DCC: variants seen among roughly 807,000 people sequenced by gnomAD.
The protein encoded by DCC is DCC netrin 1 receptor.
A neutral mutation model predicts 172.5 loss-of-function variants in DCC; 58 were observed. That is an observed-to-expected ratio of 0.34 (90% confidence interval 0.27 to 0.42). The LOEUF (loss-of-function observed/expected upper bound fraction) is 0.42, where lower values mean the gene tolerates loss of function less well. Among genes scored for constraint, DCC ranks in the 10% least tolerant of loss-of-function variants. The pLI, the probability that DCC is intolerant of heterozygous loss-of-function variation, is 1.00. For synonymous variants in DCC, 709 were observed against 644.5 expected (o/e 1.10, Z -1.52); for missense variants, 1,740 against 1,791.0 (o/e 0.97, Z 0.51).
intron 1 of DCC, among the ~76,000 whole-genome samples, chr18:52,376,144 T>A (rs1314434893): frequency 1.3e-5 from 2 of 152,230 alleles, no homozygotes; most frequent in Non-Finnish European, 2.9e-5. Flanking sequence ...CATAGGGTGC[T>A]GTTTATAAAA....
chr18:53,049,080 A>G (rs1034713632), intron 5 of DCC, among the ~76,000 whole-genome samples: 1 of 151,970 alleles, frequency 6.6e-6, no homozygotes, highest in African/African-American at 2.4e-5. Flanking sequence ...TCTGGATATT[A>G]TGCCTTTGTC....
intron 5 of DCC, among the ~76,000 whole-genome samples, chr18:52,933,202 C>G (rs1485383171): frequency 1.3e-5 from 2 of 152,058 alleles, no homozygotes; most frequent in African/African-American, 4.8e-5. Context: ...AGAAAACTAG[C>G]AACCAACTGT....
intron 15 of DCC, among the ~76,000 whole-genome samples, chr18:53,349,425 TC>T (rs1325705730): frequency 6.6e-6 from 1 of 152,196 alleles, no homozygotes; most frequent in Non-Finnish European, 1.5e-5. Context: ...TTCTGAGCCC[TC>T]CACACTGTTT....
chr18:52,442,362 T>A (rs1987995478), intron 1 of DCC, among the ~76,000 whole-genome samples: 1 of 152,214 alleles, frequency 6.6e-6, no homozygotes, highest in Non-Finnish European at 1.5e-5. Context: ...GTCAATTAAA[T>A]GAAGACCAAT....
intron 7 of DCC, among the ~76,000 whole-genome samples, chr18:53,112,574 G>A (rs903441285): frequency 2.0e-5 from 3 of 151,474 alleles, no homozygotes; most frequent in African/African-American, 7.3e-5. Context: ...TAATGTAATG[G>A]ATTTATGAGA....
At chr18:52,689,940 G>A (rs983406218) in intron 1 of DCC, among the ~76,000 whole-genome samples, 3 of 152,122 alleles carry the variant, frequency 2.0e-5, no homozygotes, top group Admixed American at 6.6e-5. Context: ...AAGTGAAGTC[G>A]AATCTATTTT....
At chr18:52,631,511 GA>G (rs1300211514) in intron 1 of DCC, among the ~76,000 whole-genome samples, 2 of 152,130 alleles carry the variant, frequency 1.3e-5, no homozygotes, top group Non-Finnish European at 2.9e-5. Flanking sequence ...CTAATTTAAA[GA>G]ATCTTAACTG....
chr18:53,003,871 T>G (rs1416696169), intron 5 of DCC, among the ~76,000 whole-genome samples: 1 of 152,178 alleles, frequency 6.6e-6, no homozygotes, highest in African/African-American at 2.4e-5. Flanking sequence ...CCATTCTGTG[T>G]CTGGCTTCAT....
intron 5 of DCC, among the ~76,000 whole-genome samples, chr18:53,018,464 T>A (rs2041837819): frequency 6.6e-6 from 1 of 152,172 alleles, no homozygotes; most frequent in South Asian, 2.1e-4. Flanking sequence ...ATTCTCTTTA[T>A]CAGAAATACT....
chr18:53,380,895 C>T (rs189972051), intron 15 of DCC, among the ~76,000 whole-genome samples: 47 of 152,200 alleles, frequency 3.1e-4, no homozygotes, highest in African/African-American at 1.1e-3. Context: ...TTGATCTTCT[C>T]TAAGATGTGC....
At chr18:52,868,429 C>T (rs2039263842) in intron 2 of DCC, among the ~76,000 whole-genome samples, 1 of 152,100 alleles carries the variant, frequency 6.6e-6, no homozygotes, top group South Asian at 2.1e-4. Context: ...CGTGTAGCAT[C>T]TCTGATAACC....
At chr18:52,829,881 C>A (rs1299965099) in intron 2 of DCC, among the ~76,000 whole-genome samples, 1 of 152,068 alleles carries the variant, frequency 6.6e-6, no homozygotes, top group African/African-American at 2.4e-5. Context: ...AAAGTTTAGG[C>A]AGCAAATGAG....
Position 52,409,548 on chromosome 18 carries a change from C to T in DCC, c.91+68670C>T, listed in dbSNP as rs1239302233. 2.0e-5 allele frequency among the ~76,000 whole-genome samples: 3 copies of T among 152,274 alleles called. No individual in the cohort carries two copies. In the East Asian group the frequency reaches 5.8e-4, roughly 29 times the overall value. ...AGCACACTGGATTTAGAGCCAGCGG[C>T]CTGGGTCCATGTCCCAACTTACATG... On this transcript the variant is annotated intron_variant, in intron 1 of 28. Transcript: ENST00000442544.
At position 52,975,154 on chromosome 18, in the gene DCC, C is replaced by T. The variant is rs969797690; in HGVS notation, c.985+49784C>T. Among the ~76,000 whole-genome samples, 23 of 152,206 alleles carry T rather than the reference C, an allele frequency of 1.5e-4. 1 individual carries two copies. The East Asian group carries it at 4.3e-3, about 28-fold the overall frequency. ...ATAGAACATCACAAACTAGTAACCT[C>T]GACCACATATAATTATCTTTTTACA... On this transcript the variant is annotated intron_variant, in intron 5 of 28. Coordinates refer to ENST00000442544, the MANE Select transcript of DCC (RefSeq NM_005215.4).
At chr18:52,363,473 C>T (rs2144275432) in intron 1 of DCC, among the ~76,000 whole-genome samples, 1 of 152,246 alleles carries the variant, frequency 6.6e-6, no homozygotes, top group South Asian at 2.1e-4. Flanking sequence ...TTAGTTGTGT[C>T]TTGGACACAA....
intron 7 of DCC, among the ~76,000 whole-genome samples, chr18:53,074,893 A>C (rs1054147411): frequency 6.6e-6 from 1 of 152,138 alleles, no homozygotes; most frequent in African/African-American, 2.4e-5. Context: ...CCAAGTCTCT[A>C]TTTCTTCAGC....
At chr18:52,891,512 A>G (rs1392750919) in intron 2 of DCC, among the ~76,000 whole-genome samples, 2 of 152,052 alleles carry the variant, frequency 1.3e-5, no homozygotes, top group African/African-American at 4.8e-5. Context: ...CAACCTCTCT[A>G]ACCTTTTTCA....
At position 52,978,815 on chromosome 18, in the gene DCC, A is replaced by G. The variant is rs73460715; in HGVS notation, c.985+53445A>G. Among the ~76,000 whole-genome samples, 168 of 152,254 alleles carry G rather than the reference A, an allele frequency of 1.1e-3. 2 individuals are homozygous for G. The highest frequency in any genetic ancestry group is 4.0e-3 in the African/African-American group (165 of 41,552). On this transcript the variant is annotated intron_variant, in intron 5 of 28. Transcript: ENST00000442544. ...ATTTCTCAAAGTGAGAACATACGGT[A>G]TTTGATTTTCCATTTTTGACTTATT...
At chr18:53,472,132 C>T (rs1157167322) in intron 25 of DCC, among the ~76,000 whole-genome samples, 1 of 152,120 alleles carries the variant, frequency 6.6e-6, no homozygotes, top group Non-Finnish European at 1.5e-5. Context: ...ATAATAAGTG[C>T]AAAAACTTAC....
Sources: allele counts gnomAD v4.1 joint callset (sites outside exome capture counted in the v4.1 genomes callset), GRCh38; gene constraint gnomAD v4.1.1; transcripts MANE v1.5; gene names NCBI Gene and HGNC (gene_info 2026-07-23, HGNC 2026-07-21).